Variants in CDH1 observed in about 807,000 individuals in gnomAD.
CDH1 encodes cadherin-1.
A neutral mutation model predicts 84.5 loss-of-function variants in CDH1; 35 were observed. The ratio of observed to expected loss-of-function variants is 0.41; its 90% confidence interval spans 0.32 to 0.55. CDH1 has a LOEUF of 0.55. Among genes scored for constraint, CDH1 ranks in the 20% least tolerant of loss-of-function variants. The probability of loss-of-function intolerance (pLI) is 0.19; values close to 1 mark genes in which losing one functional copy is unlikely to be tolerated. For synonymous variants in CDH1, 417 were observed against 439.0 expected (o/e 0.95, Z 0.63); for missense variants, 994 against 1,126.6 (o/e 0.88, Z 1.68).
intron 5 of CDH1, among the ~76,000 whole-genome samples, chr16:68,809,225 T>C (rs1960753435): frequency 7.5e-6 from 1 of 132,926 alleles, no homozygotes; most frequent in Non-Finnish European, 1.5e-5. Flanking sequence ...AACCAAGAGG[T>C]CTTTTTTTTT....
Position 68,829,849 on chromosome 16 carries a change from G to A in CDH1, c.2439+52G>A, listed in dbSNP as rs33965115. The stretch of plus-strand genomic sequence containing the variant: ...GCATGGCTCATCTCTAAGCTCAGGA[G>A]GAGTTGTGTCAAAAATGAGAAAAAG... On this transcript the variant is annotated intron_variant, in intron 15 of 15. Coordinates refer to ENST00000261769, the MANE Select transcript of CDH1 (RefSeq NM_004360.5). 91,843 of 1,575,904 alleles carry A rather than the reference G, an allele frequency of 0.058. 3,016 individuals carry two copies. The highest frequency in any genetic ancestry group is 0.084 in the Middle Eastern group (497 of 5,896).
chr16:68,742,753 G>A (rs1449072718), intron 2 of CDH1, among the ~76,000 whole-genome samples: 1 of 152,152 alleles, frequency 6.6e-6, no homozygotes, highest in Non-Finnish European at 1.5e-5. Flanking sequence ...TGTGCTGAAC[G>A]TTTCAGAAAA....
At chr16:68,767,384 G>A (rs2152120182) in intron 2 of CDH1, among the ~76,000 whole-genome samples, 1 of 152,104 alleles carries the variant, frequency 6.6e-6, no homozygotes, top group African/African-American at 2.4e-5. Flanking sequence ...TTTTAGTGAA[G>A]ACAGGGTTTC....
Position 68,783,056 on chromosome 16 carries a change from G to A in CDH1, c.164-18614G>A, listed in dbSNP as rs184896482. 5.3e-5 allele frequency among the ~76,000 whole-genome samples: 8 copies of A among 152,022 alleles called. No individual in the cohort carries two copies. In the South Asian group the frequency reaches 1.2e-3, roughly 24 times the overall value. ...ATCACATGTTGCCTATTGAGATTAC[G>A]GTCAACTGAACACCCATCCCTCCTT... is the stretch of plus-strand genomic sequence containing the variant. On this transcript the variant is annotated intron_variant, in intron 2 of 15. Transcript: ENST00000261769.
intron 2 of CDH1, among the ~76,000 whole-genome samples, chr16:68,797,544 G>A (rs1043793877): frequency 4.6e-5 from 7 of 152,084 alleles, no homozygotes; most frequent in African/African-American, 1.7e-4. Flanking sequence ...GCCAGGCATG[G>A]TGGCATGTAC....
intron 2 of CDH1, among the ~76,000 whole-genome samples, chr16:68,740,684 C>T (rs1212535702): frequency 6.6e-6 from 1 of 151,974 alleles, no homozygotes; most frequent in African/African-American, 2.4e-5. Context: ...TGTGTTTGAC[C>T]AATAATATTA....
chr16:68,738,237 C>A, intron 1 of CDH1, 60 bp from the exon 2 acceptor site: 1 of 1,138,538 alleles, frequency 8.8e-7, no homozygotes, highest in South Asian at 1.3e-5. Context: ...CTGTTGGTTT[C>A]GGTGAGCAGG....
At chr16:68,745,625 A>ATATATGTATG (rs1962718638) in intron 2 of CDH1, among the ~76,000 whole-genome samples, 1 of 25,230 alleles carries the variant, frequency 4.0e-5, no homozygotes, top group Non-Finnish European at 1.4e-4. Context: ...ATATATATAT[A>ATATATGTATG]TGTATATATA....
intron 2 of CDH1, among the ~76,000 whole-genome samples, chr16:68,769,520 G>T (rs1959486953): frequency 6.6e-6 from 1 of 151,358 alleles, no homozygotes; most frequent in African/African-American, 2.4e-5. Context: ...TGTTGCCCAG[G>T]CTGGTCTTGA....
intron 13 of CDH1, among the ~76,000 whole-genome samples, chr16:68,825,803 C>CTTTTT (rs869187109): frequency 7.4e-5 from 7 of 94,494 alleles, no homozygotes; most frequent in Non-Finnish European, 1.0e-4. Context: ...TAAAGGGAAT[C>CTTTTT]TTTTTTTTTT....
intron 2 of CDH1, among the ~76,000 whole-genome samples, chr16:68,768,670 A>G (rs1959456470): frequency 6.6e-6 from 1 of 152,202 alleles, no homozygotes; most frequent in Non-Finnish European, 1.5e-5. Context: ...TCCAGCCTCC[A>G]TAGGGAGATA....
intron 2 of CDH1, among the ~76,000 whole-genome samples, chr16:68,762,607 C>T (rs1959251861): frequency 1.3e-5 from 2 of 151,988 alleles, no homozygotes; most frequent in Non-Finnish European, 2.9e-5. Context: ...GAAACAAAAA[C>T]AAAACAAAAC....
At chr16:68,779,740 C>T (rs1051232173) in intron 2 of CDH1, among the ~76,000 whole-genome samples, 4 of 152,156 alleles carry the variant, frequency 2.6e-5, no homozygotes, top group Non-Finnish European at 4.4e-5. Context: ...GCCTGTAGTC[C>T]CAGCTACTCG....
chr16:68,823,865 C>A (rs754809151), intron 13 of CDH1, among the ~76,000 whole-genome samples: 1 of 152,074 alleles, frequency 6.6e-6, no homozygotes, highest in African/African-American at 2.4e-5. Context: ...GTTTCTTCTA[C>A]CTTGTCTCTT....
At chr16:68,745,625 A>ATATGTATGTGTGTATATATATATATG (rs1962718638) in intron 2 of CDH1, among the ~76,000 whole-genome samples, 1 of 25,230 alleles carries the variant, frequency 4.0e-5, no homozygotes, top group Non-Finnish European at 1.4e-4. Context: ...ATATATATAT[A>ATATGTATGTGTGTATATATATATATG]TGTATATATA....
intron 3 of CDH1, among the ~76,000 whole-genome samples, chr16:68,807,290 T>C (rs1960691053): frequency 6.6e-6 from 1 of 152,162 alleles, no homozygotes; most frequent in South Asian, 2.1e-4. Context: ...GAGATTTATA[T>C]TGATCACAAA....
At chr16:68,805,094 G>C (rs1345451077) in intron 3 of CDH1, among the ~76,000 whole-genome samples, 4 of 147,636 alleles carry the variant, frequency 2.7e-5, no homozygotes, top group Non-Finnish European at 5.9e-5. Flanking sequence ...TTAGTCTCTA[G>C]TCCTTTCATC....
Position 68,813,333 on chromosome 16 carries a change from G to GAACGAGGCT in CDH1, c.1163_1171dup (p.Glu388_Asn390dup), listed in dbSNP as rs772580163. On this transcript the variant is annotated inframe_insertion, in exon 9 of 16. Transcript: ENST00000261769. ...TGCAGTACAAGGGTCAGGTGCCTGA[G>GAACGAGGCT]AACGAGGCTAACGTCGTAATCACCA... is the stretch of plus-strand genomic sequence containing the variant. 6.2e-7 allele frequency: 1 copy of GAACGAGGCT among 1,614,042 alleles called. No homozygotes were observed. The highest frequency in any genetic ancestry group is 8.5e-7 in the Non-Finnish European group (1 of 1,180,038).
chr16:68,832,500 C>T (rs1208253997), intron 15 of CDH1, among the ~76,000 whole-genome samples: 2 of 151,234 alleles, frequency 1.3e-5, no homozygotes, highest in African/African-American at 4.9e-5. Context: ...AATAAATATA[C>T]TTTATTTATT....
Sources: gnomAD v4.1 joint callset for allele counts (sites outside exome capture counted in the v4.1 genomes callset) on GRCh38, gnomAD v4.1.1 for gene constraint, MANE v1.5 for transcripts, NCBI Gene and HGNC (gene_info 2026-07-23, HGNC 2026-07-21) for gene names.